Variants in NAV2 observed in about 807,000 individuals in gnomAD.
NAV2 encodes the protein helicase, APC down-regulated 1.
A neutral mutation model predicts 223.2 loss-of-function variants in NAV2; 54 were observed. The observed-to-expected ratio is 0.24, with a 90% CI of 0.19 to 0.30. NAV2 has a LOEUF of 0.30. NAV2 is among the 10% of genes least tolerant of loss of function. NAV2 has a pLI of 1.00. For missense variants in NAV2, 2,806 were observed against 3,147.5 expected (o/e 0.89, Z 2.60); for synonymous variants, 1,279 against 1,239.3 (o/e 1.03, Z -0.67).
chr11:19,746,489 A>T (rs2053354912), intron 1 of NAV2, among the ~76,000 whole-genome samples: 1 of 152,192 alleles, frequency 6.6e-6, no homozygotes, highest in African/African-American at 2.4e-5. Context: ...ATTACCTCTC[A>T]ACTACACTTT....
intron 16 of NAV2, among the ~76,000 whole-genome samples, chr11:20,051,014 T>A (rs571818842): frequency 1.6e-4 from 25 of 152,350 alleles, no homozygotes; most frequent in Middle Eastern, 6.8e-3. Context: ...TTGCTTTGAA[T>A]CTGTGGAAAA....
At chr11:19,807,195 A>G (rs940508966) in intron 1 of NAV2, among the ~76,000 whole-genome samples, 8 of 152,360 alleles carry the variant, frequency 5.3e-5, no homozygotes, top group African/African-American at 1.9e-4. Flanking sequence ...TCCCATGGTC[A>G]TGATAATTTG....
intron 1 of NAV2, among the ~76,000 whole-genome samples, chr11:19,786,061 A>T (rs996623049): frequency 2.4e-4 from 37 of 152,226 alleles, no homozygotes; most frequent in African/African-American, 8.4e-4. Flanking sequence ...AAAAAAGGGC[A>T]AAGACAGGAA....
chr11:19,441,802 T>A (rs1408986866), intron 1 of NAV2, among the ~76,000 whole-genome samples: 2 of 152,166 alleles, frequency 1.3e-5, no homozygotes, highest in African/African-American at 4.8e-5. Flanking sequence ...GGTGCTAAGT[T>A]GGGCAGGAGT....
intron 1 of NAV2, among the ~76,000 whole-genome samples, chr11:19,412,124 A>G (rs1850170854): frequency 1.3e-5 from 2 of 152,184 alleles, no homozygotes; most frequent in South Asian, 4.1e-4. Flanking sequence ...CAAGTGGTCT[A>G]GCTCAGCAGC....
chr11:19,570,558 A>T (rs1476050647), intron 1 of NAV2, among the ~76,000 whole-genome samples: 1 of 152,246 alleles, frequency 6.6e-6, no homozygotes, highest in East Asian at 1.9e-4. Context: ...TATTCAGAAT[A>T]TATCAAAAGC....
At chr11:20,011,473 A>C (rs76561944) in intron 11 of NAV2, among the ~76,000 whole-genome samples, 7,688 of 152,280 alleles carry the variant, frequency 0.05, 350 homozygotes, top group Admixed American at 0.084. Flanking sequence ...GCTTGCAATG[A>C]GTCACACACT....
chr11:19,401,184 A>T (rs1849670590), intron 1 of NAV2, among the ~76,000 whole-genome samples: 1 of 152,236 alleles, frequency 6.6e-6, no homozygotes, highest in Non-Finnish European at 1.5e-5. Context: ...CTTTAAGAAT[A>T]TATTTTATAT....
At chr11:19,875,072 A>G (rs527657095) in intron 4 of NAV2, among the ~76,000 whole-genome samples, 1 of 152,146 alleles carries the variant, frequency 6.6e-6, no homozygotes, top group African/African-American at 2.4e-5. Flanking sequence ...CAGGAGAATC[A>G]CTTGAATCCA....
chr11:20,077,767 A>C, intron 23 of NAV2, 132 bp downstream of exon 23: 1 of 771,334 alleles, frequency 1.3e-6, no homozygotes. Flanking sequence ...AATTGTAAGG[A>C]GTCCAATCTG....
At chr11:19,687,776 TATGC>T (rs72257614) in intron 1 of NAV2, among the ~76,000 whole-genome samples, 129,474 of 151,108 alleles carry the variant, frequency 0.86, 56,148 homozygotes, top group Middle Eastern at 0.95. Context: ...TGCATGTGTG[TATGC>T]ATGCGTGTGT....
chr11:19,406,568 C>T (rs906172919), intron 1 of NAV2, among the ~76,000 whole-genome samples: 16 of 152,116 alleles, frequency 1.1e-4, no homozygotes, highest in East Asian at 1.9e-4. Context: ...ATCCCTGCCC[C>T]GCCAATGAAG....
chr11:19,894,949 C>T (rs925648450), intron 6 of NAV2, among the ~76,000 whole-genome samples: 10 of 151,876 alleles, frequency 6.6e-5, no homozygotes, highest in Non-Finnish European at 1.5e-4. Context: ...AGGCTGGTCT[C>T]GAACTCCCAA....
chr11:19,668,532 C>CAA (rs762975832), intron 1 of NAV2, among the ~76,000 whole-genome samples: 1,455 of 64,786 alleles, frequency 0.022, 139 homozygotes, highest in Middle Eastern at 0.069. Context: ...GACTCGGTCT[C>CAA]AAAAAAAAAA....
At chr11:20,111,649 G>A (rs551271398) in intron 36 of NAV2, among the ~76,000 whole-genome samples, 1 of 152,348 alleles carries the variant, frequency 6.6e-6, no homozygotes, top group East Asian at 1.9e-4. Context: ...GCCTTTCTCT[G>A]TGCCCAGGGC....
intron 1 of NAV2, among the ~76,000 whole-genome samples, chr11:19,670,073 C>A (rs937293380): frequency 6.6e-6 from 1 of 152,192 alleles, no homozygotes; most frequent in Non-Finnish European, 1.5e-5. Context: ...TCATGCCCAC[C>A]CTGCAAGCTA....
At chr11:19,870,117 C>T (rs115655802) in intron 4 of NAV2, among the ~76,000 whole-genome samples, 2,419 of 152,264 alleles carry the variant, frequency 0.016, 72 homozygotes, top group African/African-American at 0.056. Flanking sequence ...GGCACGGCCA[C>T]ACTGCTTCCA....
chr11:19,399,346 G>T (rs572661781), intron 1 of NAV2, among the ~76,000 whole-genome samples: 1 of 152,342 alleles, frequency 6.6e-6, no homozygotes, highest in African/African-American at 2.4e-5. Flanking sequence ...CTACCAGTAT[G>T]CTAATCTCCC....
intron 1 of NAV2, among the ~76,000 whole-genome samples, chr11:19,745,784 GC>G (rs2053284384): frequency 6.6e-6 from 1 of 152,144 alleles, no homozygotes; most frequent in Admixed American, 6.5e-5. Flanking sequence ...AGAATCTAAT[GC>G]CACCACTGAT....
Sources: allele counts gnomAD v4.1 joint callset (sites outside exome capture counted in the v4.1 genomes callset), GRCh38; gene constraint gnomAD v4.1.1; transcripts MANE v1.5; gene names NCBI Gene and HGNC (gene_info 2026-07-23, HGNC 2026-07-21).